The following C2CD5 variants were observed in gnomAD, a reference collection of about 807,000 sequenced individuals.
C2CD5 encodes C2 domain-containing protein 5.
A neutral mutation model predicts 130.3 loss-of-function variants in C2CD5; 109 were observed. The observed-to-expected ratio is 0.84, with a 90% CI of 0.72 to 0.98. C2CD5 has a LOEUF of 0.98. Ranked by LOEUF, C2CD5 falls within the 50% of genes least tolerant of loss-of-function variation. The pLI is 0.00. For synonymous variants in C2CD5, 454 were observed against 429.2 expected, an observed-to-expected ratio of 1.06 and a Z score of -0.71; for missense variants, 996 against 1,261.8, an observed-to-expected ratio of 0.79 and a Z score of 3.19.
chr12:22,513,352 T>C lies in C2CD5; in HGVS notation c.980A>G (p.Glu327Gly). ...TAAAAGAGCTTTAAAGGGCCCCCCT[T>C]CTTTTCCAGCACTACCACTTCCCAT... The part of the protein sequence containing the change: ...TGMGSGSAGK[E>G]GGPFKALLRQ... The change falls in exon 9 of 27, where the codon GAA (glutamate) becomes GGA (glycine). Residue 327 changes from glutamate to glycine, a missense_variant. Glu to Gly is a moderately conservative substitution (Grantham distance 98, BLOSUM62 -2). Coordinates refer to ENST00000446597, the MANE Select transcript of C2CD5 (RefSeq NM_001286176.2). 1 of 1,612,176 alleles carries C rather than the reference T, an allele frequency of 6.2e-7. No individual in the cohort carries two copies. The highest frequency in any genetic ancestry group is 8.5e-7 in the Non-Finnish European group (1 of 1,178,376).
intron 8 of C2CD5, among the ~76,000 whole-genome samples, chr12:22,516,480 G>T (rs1949734448): frequency 6.6e-6 from 1 of 150,750 alleles, no homozygotes; most frequent in Non-Finnish European, 1.5e-5. Flanking sequence ...TAAAAATTTG[G>T]AGCCAGAAGA....
chr12:22,487,238 C>G (rs1399192535), intron 12 of C2CD5, among the ~76,000 whole-genome samples: 1 of 151,920 alleles, frequency 6.6e-6, no homozygotes, highest in East Asian at 1.9e-4. Context: ...TTCTGCACAG[C>G]AAAAGAAACT....
At chr12:22,451,192 G>A (rs1413562076) in intron 26 of C2CD5, among the ~76,000 whole-genome samples, 1 of 151,758 alleles carries the variant, frequency 6.6e-6, no homozygotes, top group Non-Finnish European at 1.5e-5. Context: ...TTTGAATTTT[G>A]AATCATGTAC....
intron 2 of C2CD5, among the ~76,000 whole-genome samples, chr12:22,542,637 A>G (rs1006927564): frequency 1.3e-5 from 2 of 152,238 alleles, no homozygotes; most frequent in African/African-American, 4.8e-5. Context: ...CAACCTTCAG[A>G]GACAGAATTC....
chr12:22,529,799 A>C (rs907159465), intron 3 of C2CD5, among the ~76,000 whole-genome samples: 2 of 151,840 alleles, frequency 1.3e-5, no homozygotes, highest in Non-Finnish European at 2.9e-5. Context: ...GCTCATCTGA[A>C]ACTGTTATGT....
intron 15 of C2CD5, among the ~76,000 whole-genome samples, chr12:22,476,541 T>C (rs966320021): frequency 7.9e-5 from 12 of 152,226 alleles, no homozygotes; most frequent in Non-Finnish European, 1.8e-4. Flanking sequence ...GTATGACACA[T>C]AGTAGCAGCT....
chr12:22,472,686 G>A (rs967136089), intron 17 of C2CD5, 58 bp downstream of exon 17: 12 of 943,684 alleles, frequency 1.3e-5, no homozygotes, highest in Admixed American at 1.0e-4. Context: ...TAACAATTAT[G>A]AGCTAAAACA....
chr12:22,530,084 A>ATATATG (rs1366366224), intron 3 of C2CD5, among the ~76,000 whole-genome samples: 3 of 102,030 alleles, frequency 2.9e-5, no homozygotes, highest in Non-Finnish European at 3.9e-5. Flanking sequence ...TGCTATATAT[A>ATATATG]TATATATATA....
chr12:22,527,331 T>TATATATA (rs577439968), intron 4 of C2CD5, among the ~76,000 whole-genome samples: 141 of 117,688 alleles, frequency 1.2e-3, no homozygotes, highest in African/African-American at 4.5e-3. Context: ...TATATATATA[T>TATATATA]TTTTTTTTTT....
chr12:22,528,665 C>G (rs1030196150), intron 3 of C2CD5, among the ~76,000 whole-genome samples: 1 of 152,114 alleles, frequency 6.6e-6, no homozygotes, highest in Non-Finnish European at 1.5e-5. Flanking sequence ...GAAAATTATA[C>G]TTTTAAAATG....
chr12:22,515,023 G>C (rs986086168), intron 8 of C2CD5: 1 of 985,286 alleles, frequency 1.0e-6, no homozygotes, highest in Non-Finnish European at 1.2e-6. Context: ...GGCTGACAAG[G>C]CTAGAATGAT....
chr12:22,539,744 C>T (rs1217986857), intron 2 of C2CD5, among the ~76,000 whole-genome samples: 1 of 151,994 alleles, frequency 6.6e-6, no homozygotes, highest in Non-Finnish European at 1.5e-5. Flanking sequence ...CTGTAATCCC[C>T]GCACTTTGGG....
chr12:22,513,388 C>T lies in C2CD5; in HGVS notation c.953-9G>A. 1.3e-6 allele frequency: 2 copies of T among 1,579,864 alleles called. No homozygotes were observed. The highest frequency in any genetic ancestry group is 1.7e-6 in the Non-Finnish European group (2 of 1,149,086). The stretch of plus-strand genomic sequence containing the variant: ...ACTACCACTTCCCATTCCTACAGAA[C>T]ATCAGTACATAAATAACAACCAAAA... On this transcript the variant is annotated splice_polypyrimidine_tract_variant and intron_variant, in intron 8 of 26. Coordinates refer to ENST00000446597, the MANE Select transcript of C2CD5 (RefSeq NM_001286176.2).
chr12:22,535,981 A>C (rs1951781337), intron 2 of C2CD5, among the ~76,000 whole-genome samples: 2 of 152,198 alleles, frequency 1.3e-5, no homozygotes, highest in African/African-American at 4.8e-5. Context: ...CTGTAGCAAA[A>C]GCTTGGAAAC....
intron 13 of C2CD5, among the ~76,000 whole-genome samples, chr12:22,482,969 G>C (rs1206432729): frequency 6.6e-6 from 1 of 152,102 alleles, no homozygotes; most frequent in Non-Finnish European, 1.5e-5. Flanking sequence ...ATAAGACCTA[G>C]TATTTGATAG....
chr12:22,511,401 G>A, intron 9 of C2CD5, among the ~76,000 whole-genome samples: 1 of 152,124 alleles, frequency 6.6e-6, no homozygotes, highest in East Asian at 1.9e-4. Context: ...AGTCGCAAGT[G>A]AATAGGAAAG....
rs1420307977 is a variant in C2CD5, at chr12:22,478,310, T to C, written c.1902+3A>G. ...ATTCACAATGTAGGTTTGTTTTACTTACTGGAGGATTGATTTCATATAACT... is the reference window on the plus strand; with the variant it reads ...ATTCACAATGTAGGTTTGTTTTACTCACTGGAGGATTGATTTCATATAACT... On this transcript the variant is annotated splice_donor_region_variant and intron_variant, in intron 15 of 26. Transcript: ENST00000446597. 6.2e-7 allele frequency: 1 copy of C among 1,605,990 alleles called. No individual in the cohort carries two copies.
At chr12:22,502,883 G>A in intron 10 of C2CD5, 1 of 754,796 alleles carries the variant, frequency 1.3e-6, no homozygotes. Flanking sequence ...CTACAAACAA[G>A]AACGCAATTG....
intron 10 of C2CD5, chr12:22,502,770 G>A: frequency 6.5e-7 from 1 of 1,532,342 alleles, no homozygotes; most frequent in Non-Finnish European, 8.7e-7. Flanking sequence ...CTAGCAGTTT[G>A]TAAGATCTTG....
Sources: allele counts gnomAD v4.1 joint callset (sites outside exome capture counted in the v4.1 genomes callset), GRCh38; gene constraint gnomAD v4.1.1; transcripts MANE v1.5; gene names NCBI Gene and HGNC (gene_info 2026-07-23, HGNC 2026-07-21).